Variants in COL21A1 observed in about 807,000 individuals in gnomAD.
COL21A1 encodes collagen type XXI alpha 1 chain, also known as collagen alpha-1(XXI) chain.
Under a neutral mutation model 137.9 loss-of-function variants are expected in COL21A1, and 149 were observed. The observed-to-expected ratio is 1.08, with a 90% CI of 0.95 to 1.24. The LOEUF (loss-of-function observed/expected upper bound fraction) is 1.24, where lower values mean the gene tolerates loss of function less well. COL21A1 is among the 50% of genes most tolerant of loss of function. COL21A1 has a pLI of 0.00. For missense variants in COL21A1, 1,167 were observed against 1,158.4 expected (o/e 1.01, Z -0.11); for synonymous variants, 456 against 391.5 (o/e 1.16, Z -1.95).
chr6:56,099,525 T>G (rs952762627), intron 17 of COL21A1, among the ~76,000 whole-genome samples: 1 of 152,180 alleles, frequency 6.6e-6, no homozygotes, highest in East Asian at 1.9e-4. Context: ...CGTGAGCCAC[T>G]GCACCCAGCC....
At chr6:56,237,875 G>C (rs1782015555) in intron 1 of COL21A1, among the ~76,000 whole-genome samples, 1 of 152,090 alleles carries the variant, frequency 6.6e-6, no homozygotes, top group Non-Finnish European at 1.5e-5. Context: ...TAGTCTAAAA[G>C]TAATTGATTC....
intron 16 of COL21A1, among the ~76,000 whole-genome samples, chr6:56,107,773 G>A (rs1771077928): frequency 6.6e-6 from 1 of 152,112 alleles, no homozygotes. Context: ...CCTTCCAAAG[G>A]AGGAAAACCT....
intron 1 of COL21A1, among the ~76,000 whole-genome samples, chr6:56,198,070 A>G (rs565339855): frequency 1.3e-5 from 2 of 152,266 alleles, no homozygotes; most frequent in South Asian, 4.1e-4. Flanking sequence ...CCCATTTGCA[A>G]CAACATGGAT....
At chr6:56,357,728 G>A (rs562092292) in intron 1 of COL21A1, among the ~76,000 whole-genome samples, 1 of 152,338 alleles carries the variant, frequency 6.6e-6, no homozygotes, top group East Asian at 1.9e-4. Context: ...AACCATTTGA[G>A]AAAGGAGTTT....
intron 1 of COL21A1, among the ~76,000 whole-genome samples, chr6:56,387,616 GAA>G (rs2094020679): frequency 6.6e-6 from 1 of 152,200 alleles, no homozygotes; most frequent in Non-Finnish European, 1.5e-5. Flanking sequence ...GTGCTTGGGA[GAA>G]AGAGACCTAA....
At chr6:56,235,550 G>T (rs1179447092) in intron 1 of COL21A1, among the ~76,000 whole-genome samples, 1 of 151,904 alleles carries the variant, frequency 6.6e-6, no homozygotes, top group Non-Finnish European at 1.5e-5. Context: ...GCTGTACTAG[G>T]CTGACATCAG....
chr6:56,376,505 G>A (rs749570630), intron 1 of COL21A1, among the ~76,000 whole-genome samples: 5 of 151,816 alleles, frequency 3.3e-5, no homozygotes, highest in Non-Finnish European at 5.9e-5. Context: ...TAAATCAGTA[G>A]AGAAGGAGAG....
chr6:56,092,160 CAA>C (rs1296416130), intron 17 of COL21A1, among the ~76,000 whole-genome samples: 1 of 151,368 alleles, frequency 6.6e-6, no homozygotes, highest in Non-Finnish European at 1.5e-5. Flanking sequence ...TGTTATAGTA[CAA>C]AAACAATAAT....
At chr6:56,312,426 C>T (rs1343899058) in intron 1 of COL21A1, among the ~76,000 whole-genome samples, 4 of 152,148 alleles carry the variant, frequency 2.6e-5, no homozygotes. Flanking sequence ...CTTTCAGGCA[C>T]ATGTGACTGG....
intron 1 of COL21A1, among the ~76,000 whole-genome samples, chr6:56,314,817 C>T (rs1764694404): frequency 1.3e-5 from 2 of 152,026 alleles, no homozygotes; most frequent in African/African-American, 4.8e-5. Context: ...ACACAGTTTC[C>T]CTTGTAATTT....
intron 1 of COL21A1, among the ~76,000 whole-genome samples, chr6:56,356,438 C>G (rs6920964): frequency 0.22 from 32,815 of 151,990 alleles, 3,982 homozygotes; most frequent in Middle Eastern, 0.33. Context: ...CCTCTGCCCC[C>G]CAAAGAGACA....
At chr6:56,235,088 A>C (rs1453487777) in intron 1 of COL21A1, among the ~76,000 whole-genome samples, 1 of 151,890 alleles carries the variant, frequency 6.6e-6, no homozygotes, top group Non-Finnish European at 1.5e-5. Flanking sequence ...CTTATCTGAA[A>C]ACACACCTTA....
intron 1 of COL21A1, among the ~76,000 whole-genome samples, chr6:56,322,694 T>C (rs868734548): frequency 1.9e-4 from 29 of 152,250 alleles, no homozygotes; most frequent in African/African-American, 6.7e-4. Flanking sequence ...CTTAAACTTA[T>C]ACAAGATATT....
At chr6:56,119,207 A>C (rs1772226027) in intron 16 of COL21A1, among the ~76,000 whole-genome samples, 1 of 152,092 alleles carries the variant, frequency 6.6e-6, no homozygotes, top group Non-Finnish European at 1.5e-5. Flanking sequence ...CAAACTATTA[A>C]ACTGATAAAT....
At chr6:56,223,747 T>C (rs574859922) in intron 1 of COL21A1, among the ~76,000 whole-genome samples, 1 of 152,158 alleles carries the variant, frequency 6.6e-6, no homozygotes, top group Non-Finnish European at 1.5e-5. Flanking sequence ...TGTAACATCA[T>C]TAGCTATTGC....
intron 1 of COL21A1, among the ~76,000 whole-genome samples, chr6:56,289,270 C>T (rs1763983698): frequency 6.6e-6 from 1 of 152,236 alleles, no homozygotes; most frequent in African/African-American, 2.4e-5. Flanking sequence ...TCAGCTTTCT[C>T]TCCACTTTGG....
chr6:56,078,005 G>T (rs1767394311), intron 17 of COL21A1: 7 of 440,462 alleles, frequency 1.6e-5, no homozygotes, highest in South Asian at 1.1e-4. Flanking sequence ...TTAATTAAAT[G>T]ATTGCCTCCC....
chr6:56,325,568 T>A (rs1413402062), intron 1 of COL21A1, among the ~76,000 whole-genome samples: 1 of 29,664 alleles, frequency 3.4e-5, no homozygotes, highest in Non-Finnish European at 6.1e-5. Context: ...ATATAATATA[T>A]TATCTATAAT....
chr6:56,127,136 T>C (rs1331432671), intron 12 of COL21A1, among the ~76,000 whole-genome samples: 1 of 152,178 alleles, frequency 6.6e-6, no homozygotes, highest in African/African-American at 2.4e-5. Context: ...AGGATTAATC[T>C]CTCATAGCAT....
Sources: allele counts gnomAD v4.1 joint callset (sites outside exome capture counted in the v4.1 genomes callset), GRCh38; gene constraint gnomAD v4.1.1; transcripts MANE v1.5; gene names NCBI Gene and HGNC (gene_info 2026-07-23, HGNC 2026-07-21).